Variants in GNB1L observed in about 807,000 individuals in gnomAD.
The protein encoded by GNB1L is guanine nucleotide-binding protein subunit beta-like protein 1.
In GNB1L, 20 loss-of-function variants were observed where a neutral mutation model predicts 29.1. The observed-to-expected ratio is 0.69, with a 90% CI of 0.48 to 1.00. The LOEUF is 1.00. Among genes scored for constraint, GNB1L ranks in the 50% least tolerant of loss-of-function variants. The pLI, the probability that GNB1L is intolerant of heterozygous loss-of-function variation, is 0.00. For missense variants in GNB1L, 421 were observed against 464.9 expected, an observed-to-expected ratio of 0.91 and a Z score of 0.87; for synonymous variants, 193 against 206.5, an observed-to-expected ratio of 0.93 and a Z score of 0.56.
intron 6 of GNB1L, among the ~76,000 whole-genome samples, 154 bp from the exon 7 acceptor site, chr22:19,802,370 C>T (rs775257953): frequency 3.2e-4 from 48 of 152,218 alleles, no homozygotes; most frequent in Non-Finnish European, 5.4e-4. Context: ...AGCTCTGCAC[C>T]GCCAGTGCCC....
Position 19,783,505 on chromosome 22 carries a change from A to C in GNB1L, c.*5204T>G. The C allele has an allele frequency of 4.4e-6, 1 of 228,042 alleles. No homozygotes were observed. The highest frequency in any genetic ancestry group is 8.8e-6 in the Non-Finnish European group (1 of 113,160). The allele number at this position is 228,042 out of a possible 1,614,324, so 14.1% of individuals were successfully genotyped here. A position where few individuals can be genotyped will look rare whatever the true frequency, so the allele number is the denominator to read the frequency against. Reference sequence around the variant, plus strand: ...TTGGAGGCTGCAGTAAGCTATGATCATGCCACTGCACTCCAGCCTGGGTGA... The same window carrying C: ...TTGGAGGCTGCAGTAAGCTATGATCCTGCCACTGCACTCCAGCCTGGGTGA... On this transcript the variant is annotated 3_prime_UTR_variant, in exon 8 of 8. Transcript: ENST00000329517.
intron 7 of GNB1L, among the ~76,000 whole-genome samples, chr22:19,796,949 T>C (rs1056712128): frequency 6.6e-5 from 10 of 152,156 alleles, no homozygotes; most frequent in African/African-American, 2.2e-4. Context: ...GAGCTTTGAA[T>C]GCGGCAGAAA....
intron 2 of GNB1L, chr22:19,851,952 G>A (rs1181007418): frequency 1.2e-6 from 2 of 1,614,090 alleles, no homozygotes; most frequent in South Asian, 1.1e-5. Context: ...AAGGTGCCTG[G>A]GTCTGAGCCT....
chr22:19,803,795 A>G (rs959666461), intron 6 of GNB1L, among the ~76,000 whole-genome samples: 1 of 151,842 alleles, frequency 6.6e-6, no homozygotes, highest in Admixed American at 6.6e-5. Flanking sequence ...GACTCCAAAG[A>G]CTCTCCTCAT....
rs539089894 is a variant in GNB1L at position 19,843,012 on chromosome 22, G to A, written c.-21+11431C>T. Among the ~76,000 whole-genome samples the A allele has an allele frequency of 4.6e-5, 7 of 152,338 alleles. No individual in the cohort carries two copies. The South Asian group carries it at 8.3e-4, about 18-fold the overall frequency. ...CGTTTGGCGATTCGGAGTCAAAGGC[G>A]CACTTCATAGCTCCTTTCCAAATCC... On this transcript the variant is annotated intron_variant, in intron 2 of 7. Transcript: ENST00000329517.
intron 4 of GNB1L, among the ~76,000 whole-genome samples, chr22:19,818,640 G>T (rs1169442694): frequency 6.6e-6 from 1 of 152,200 alleles, no homozygotes; most frequent in Non-Finnish European, 1.5e-5. Flanking sequence ...CATTCTCCAG[G>T]GACTATACTC....
chr22:19,803,370 C>T (rs1477263857), intron 6 of GNB1L, among the ~76,000 whole-genome samples: 3 of 152,176 alleles, frequency 2.0e-5, no homozygotes, highest in Admixed American at 6.5e-5. Flanking sequence ...TGTGTCTTCT[C>T]CCGGGGCACC....
intron 2 of GNB1L, chr22:19,851,543 G>T: frequency 6.2e-7 from 1 of 1,613,636 alleles, no homozygotes. Context: ...CACAGCAGGG[G>T]TGGCCATGGC....
intron 4 of GNB1L, among the ~76,000 whole-genome samples, chr22:19,818,577 G>T (rs867211423): frequency 3.3e-5 from 5 of 152,210 alleles, no homozygotes; most frequent in African/African-American, 1.2e-4. Flanking sequence ...GGTAGGCACC[G>T]CGTGAGTCTA....
intron 2 of GNB1L, chr22:19,850,618 T>C: frequency 8.2e-7 from 1 of 1,216,304 alleles, no homozygotes; most frequent in Non-Finnish European, 1.0e-6. Flanking sequence ...GCTATCCCAC[T>C]CATCCCCCAG....
intron 7 of GNB1L, among the ~76,000 whole-genome samples, chr22:19,801,202 C>T (rs1208560884): frequency 2.6e-5 from 4 of 152,194 alleles, no homozygotes; most frequent in South Asian, 2.1e-4. Flanking sequence ...TCTGACCACT[C>T]GCTGGCTATG....
intron 6 of GNB1L, among the ~76,000 whole-genome samples, chr22:19,805,578 G>T (rs1446772953): frequency 2.0e-5 from 3 of 152,032 alleles, no homozygotes; most frequent in Non-Finnish European, 2.9e-5. Flanking sequence ...GTCAGGAGAT[G>T]GAGACCATCC....
intron 5 of GNB1L, among the ~76,000 whole-genome samples, chr22:19,808,761 A>T (rs1415279795): frequency 6.6e-6 from 1 of 152,214 alleles, no homozygotes; most frequent in East Asian, 1.9e-4. Flanking sequence ...CCACTGAGTG[A>T]AGAGCTAGAG....
chr22:19,814,525 C>A (rs891571257), intron 4 of GNB1L, among the ~76,000 whole-genome samples: 1 of 152,188 alleles, frequency 6.6e-6, no homozygotes, highest in Non-Finnish European at 1.5e-5. Flanking sequence ...AAAGCTATAC[C>A]TTGACAGTGG....
intron 2 of GNB1L, among the ~76,000 whole-genome samples, chr22:19,838,180 A>G (rs1472907484): frequency 2.0e-5 from 3 of 152,274 alleles, no homozygotes; most frequent in African/African-American, 7.2e-5. Context: ...AAACAATCCA[A>G]TTAAAAAGGC....
chr22:19,840,932 T>A (rs1299232397), intron 2 of GNB1L, among the ~76,000 whole-genome samples: 1 of 152,088 alleles, frequency 6.6e-6, no homozygotes, highest in African/African-American at 2.4e-5. Context: ...CAAATCCCGG[T>A]GGAGGAACAT....
At chr22:19,849,080 A>C in intron 2 of GNB1L, 1 of 985,454 alleles carries the variant, frequency 1.0e-6, no homozygotes, top group Non-Finnish European at 1.2e-6. Context: ...CTGGCACAGA[A>C]GCATGGGGCT....
At chr22:19,793,697 G>C (rs1052566543) in intron 7 of GNB1L, among the ~76,000 whole-genome samples, 1 of 152,064 alleles carries the variant, frequency 6.6e-6, no homozygotes, top group Non-Finnish European at 1.5e-5. Flanking sequence ...TACATGCATG[G>C]GAATGATAGG....
At chr22:19,802,562 G>A (rs1937387103) in intron 6 of GNB1L, among the ~76,000 whole-genome samples, 1 of 152,226 alleles carries the variant, frequency 6.6e-6, no homozygotes, top group Non-Finnish European at 1.5e-5. Flanking sequence ...CCAAAGGGGT[G>A]ATGCTGGGCA....
Sources: allele counts gnomAD v4.1 joint callset (sites outside exome capture counted in the v4.1 genomes callset), GRCh38; gene constraint gnomAD v4.1.1; transcripts MANE v1.5; gene names NCBI Gene and HGNC (gene_info 2026-07-23, HGNC 2026-07-21).